The following COL12A1 variants were observed in gnomAD, a reference collection of about 807,000 sequenced individuals.
COL12A1 encodes collagen alpha-1(XII) chain.
A neutral mutation model predicts 349.7 loss-of-function variants in COL12A1; 114 were observed. That is an observed-to-expected ratio of 0.33 (90% CI 0.28 to 0.38). COL12A1 has a LOEUF of 0.38. Among genes scored for constraint, COL12A1 ranks in the 10% least tolerant of loss-of-function variants. COL12A1 has a pLI of 1.00. For missense variants in COL12A1, 3,284 were observed against 3,756.9 expected, an observed-to-expected ratio of 0.87 and a Z score of 3.29; for synonymous variants, 1,369 against 1,329.0, an observed-to-expected ratio of 1.03 and a Z score of -0.66.
chr6:75,170,086 T>C (rs1768545781), intron 13 of COL12A1, among the ~76,000 whole-genome samples: 1 of 152,220 alleles, frequency 6.6e-6, no homozygotes, highest in African/African-American at 2.4e-5. Flanking sequence ...ATGCCTCATT[T>C]AAGTAACTTT....
chr6:75,104,163 G>A (rs1305414733), intron 54 of COL12A1, among the ~76,000 whole-genome samples: 1 of 152,118 alleles, frequency 6.6e-6, no homozygotes, highest in Non-Finnish European at 1.5e-5. Context: ...AAAAAGAAGA[G>A]TATCTTAAAT....
chr6:75,177,786 G>A lies in COL12A1; in HGVS notation c.2314C>T (p.Pro772Ser), dbSNP rs370256196. The change falls in exon 12 of 66, where the codon CCC becomes TCC. Residue 772 changes from proline (P) to serine (S), a missense_variant. Physicochemically the swap from Pro to Ser is moderately conservative, Grantham distance 74. Transcript: ENST00000322507. The stretch of plus-strand genomic sequence containing the variant: ...TCCAGTGTTCTCCTCCTCTGATTGG[G>A]TGGGGTGGTAACTTCTCTGCTCTCT... The part of the protein sequence containing the change: ...GGESREVTTP[P>S]NQRRRTLENL... 1.2e-5 allele frequency: 19 copies of A among 1,613,960 alleles called. No individual in the cohort carries two copies. The Admixed American group carries it at 2.2e-4, about 18-fold the overall frequency.
chr6:75,156,631 A>G, intron 14 of COL12A1, 108 bp from the exon 15 acceptor site: 1 of 1,006,032 alleles, frequency 9.9e-7, no homozygotes, highest in Non-Finnish European at 1.4e-6. Flanking sequence ...AAATATGTAC[A>G]CTGTTCCATT....
intron 11 of COL12A1, among the ~76,000 whole-genome samples, chr6:75,178,589 G>A (rs1166790420): frequency 6.6e-6 from 1 of 152,148 alleles, no homozygotes; most frequent in African/African-American, 2.4e-5. Context: ...GCCCAAATGA[G>A]AACATCATTT....
chr6:75,087,535 T>C (rs1305586488), intron 65 of COL12A1, 42 bp downstream of exon 65: 1 of 1,601,932 alleles, frequency 6.2e-7, no homozygotes, highest in African/African-American at 1.3e-5. Flanking sequence ...TAAAGTTCTT[T>C]ACTTCAGGTG....
At chr6:75,115,180 T>C (rs1308436591) in intron 49 of COL12A1, among the ~76,000 whole-genome samples, 2 of 152,166 alleles carry the variant, frequency 1.3e-5, no homozygotes. Context: ...TTCTCATTGT[T>C]CTTTTCTTTC....
rs1251332347 is a variant in COL12A1, at chr6:75,086,458, ATT to A, written c.*87_*88del. On this transcript the variant is annotated 3_prime_UTR_variant, in exon 66 of 66. Transcript: ENST00000322507. ...TGTGGTGAGATTTCCATACAGACTC[ATT>A]TCCTAATAAGCACGTGCGCAAACAT... is the stretch of plus-strand genomic sequence containing the variant. 1 of 1,245,398 alleles carries A rather than the reference ATT, an allele frequency of 8.0e-7. No individual in the cohort carries two copies. Among genetic ancestry groups the A allele is most frequent in the African/African-American group, 1.5e-5 (1 of 66,132 alleles). 77.1% of individuals were successfully genotyped at this position (1,245,398 alleles called of 1,614,324 possible).
intron 12 of COL12A1, among the ~76,000 whole-genome samples, chr6:75,176,997 A>G (rs953947075): frequency 2.6e-5 from 4 of 152,248 alleles, no homozygotes; most frequent in African/African-American, 9.6e-5. Context: ...ATGTTTAAAA[A>G]TCTTTCTTAA....
intron 11 of COL12A1, among the ~76,000 whole-genome samples, chr6:75,180,706 G>T (rs1769219451): frequency 6.6e-6 from 1 of 152,156 alleles, no homozygotes; most frequent in East Asian, 1.9e-4. Context: ...ATTATCAACA[G>T]TTCTCTAGGT....
intron 11 of COL12A1, among the ~76,000 whole-genome samples, chr6:75,180,571 C>CATATATATATATATATATATATAT (rs1014346865): frequency 1.3e-5 from 2 of 150,728 alleles, no homozygotes; most frequent in African/African-American, 4.9e-5. Context: ...CCTATATATA[C>CATATATATATATATATATATATAT]ATATATATAT....
Position 75,133,414 on chromosome 6 carries a change from G to A in COL12A1, c.5673C>T (p.Ile1891=). ...AAGGPEELVP[I]PGNTNYAILR... ...GAATGGCATAATTGGTATTCCCGGG[G>A]ATTGGTACCTAAAGATTTTAATAAA... The change falls in exon 34 of 66, where the codon ATC becomes ATT. Residue 1891 remains isoleucine, a synonymous_variant. Coordinates refer to ENST00000322507, the MANE Select transcript of COL12A1 (RefSeq NM_004370.6). 3 of 1,605,396 alleles carry A rather than the reference G, an allele frequency of 1.9e-6. No individual in the cohort carries two copies. The highest frequency in any genetic ancestry group is 1.3e-5 in the African/African-American group (1 of 74,514).
In COL12A1 at chr6:75,097,258, G is replaced by A; in HGVS notation, c.8572C>T (p.Pro2858Ser). 6.2e-7 allele frequency: 1 copy of A among 1,613,616 alleles called. No individual in the cohort carries two copies. Among genetic ancestry groups the A allele is most frequent in the East Asian group, 2.2e-5 (1 of 44,860 alleles). The change falls in exon 59 of 66, where the codon CCG becomes TCG. Residue 2858 changes from proline (P) to serine (S), a missense_variant. By Grantham distance (74) the Pro-to-Ser change is moderately conservative. Coordinates refer to ENST00000322507, the MANE Select transcript of COL12A1 (RefSeq NM_004370.6). ...GAMGPRGPPG[P>S]PGSPGSPGVT... ...GAGACACATTTAGTTCTTACCGGCG[G>A]CCCTGGTGGGCCCCTGGGTCCCATT...
In COL12A1 at chr6:75,151,196, G is replaced by A. The variant is rs746609830; in HGVS notation, c.4092C>T (p.Leu1364=). Residue 1364 remains leucine (L), a synonymous_variant, in exon 21 of 66, where the codon CTC becomes CTT. Coordinates refer to ENST00000322507, the MANE Select transcript of COL12A1 (RefSeq NM_004370.6). ...HAYNVADFES[L]SRIVDDLTIN... is the part of the protein sequence containing the mutation. ...TGGTGAGATCATCCACTATCCTGGA[G>A]AGTGACTCAAAATCTGCCACATTGT... The A allele has an allele frequency of 2.5e-6, 4 of 1,613,436 alleles. No homozygotes were observed. Among genetic ancestry groups the A allele is most frequent in the Non-Finnish European group, 3.4e-6 (4 of 1,179,562 alleles).
rs1769266351 is a variant in COL12A1, at chr6:75,181,215, T to C, written c.1892-4A>G. 1.4e-6 allele frequency: 2 copies of C among 1,429,828 alleles called. No individual in the cohort carries two copies. The highest frequency in any genetic ancestry group is 2.5e-5 in the African/African-American group (1 of 39,878). The allele number at this position is 1,429,828 out of a possible 1,614,324, so 88.6% of individuals were successfully genotyped here. A position where few individuals can be genotyped will look rare whatever the true frequency, so the allele number is the denominator to read the frequency against. On this transcript the variant is annotated splice_region_variant and splice_polypyrimidine_tract_variant and intron_variant, in intron 10 of 65. Transcript: ENST00000322507. ...AGATCCTTTGGAGGGACGTAAGCTATTTAAAAAAAAAAAAAGACAGTTAAA... is the reference window on the plus strand; with the variant it reads ...AGATCCTTTGGAGGGACGTAAGCTACTTAAAAAAAAAAAAAGACAGTTAAA...
chr6:75,086,654 A>G (rs919586756), intron 65 of COL12A1, 97 bp from the exon 66 acceptor site: 5 of 281,858 alleles, frequency 1.8e-5, no homozygotes, highest in Non-Finnish European at 1.2e-5. Context: ...TAAAGTATAT[A>G]TATATATATA....
Position 75,184,114 on chromosome 6 carries a change from A to G in COL12A1, c.1028T>C (p.Met343Thr), listed in dbSNP as rs752475311. ...VVEPPSNLIAMEVSSKYVKLN... is the reference protein window; with the variant it reads ...VVEPPSNLIATEVSSKYVKLN... ...CTTAACATATTTTGAAGAGACTTCC[A>G]TGGCAATCAAATTTGAAGGAGGCTC... is the stretch of plus-strand genomic sequence containing the variant. The change falls in exon 9 of 66, where the codon ATG becomes ACG. Residue 343 changes from methionine to threonine, a missense_variant. Physicochemically the swap from Met to Thr is moderately conservative, Grantham distance 81. Around this residue, in one of 2 missense-constraint regions of COL12A1, gnomAD observed 2,601 missense variants for 2,824.8 expected, o/e 0.92. Transcript: ENST00000322507. 2.4e-5 allele frequency: 38 copies of G among 1,613,948 alleles called. No homozygotes were observed. The highest frequency in any genetic ancestry group is 3.2e-5 in the Non-Finnish European group (38 of 1,179,870).
intron 55 of COL12A1, among the ~76,000 whole-genome samples, chr6:75,102,941 AAT>A (rs1447832110): frequency 6.6e-6 from 1 of 152,206 alleles, no homozygotes; most frequent in Non-Finnish European, 1.5e-5. Context: ...TTTTAAATAA[AAT>A]ACATTGCATA....
At chr6:75,174,927 A>C (rs1252080577) in intron 13 of COL12A1, 111 bp downstream of exon 13, 35 of 1,208,502 alleles carry the variant, frequency 2.9e-5, no homozygotes, top group Non-Finnish European at 3.9e-5. Flanking sequence ...GATTCTTTTT[A>C]AGAGAAAGGA....
chr6:75,170,896 C>T (rs1334863325), intron 13 of COL12A1, among the ~76,000 whole-genome samples: 4 of 152,134 alleles, frequency 2.6e-5, no homozygotes, highest in Admixed American at 2.0e-4. Flanking sequence ...CTGTAGGAAG[C>T]CATTCATATC....
Sources: allele counts gnomAD v4.1 joint callset (sites outside exome capture counted in the v4.1 genomes callset), GRCh38; gene constraint gnomAD v4.1.1; regional missense constraint gnomAD v4.1.1; transcripts MANE v1.5; gene names NCBI Gene and HGNC (gene_info 2026-07-23, HGNC 2026-07-21).